TTLL5: variants seen among roughly 807,000 people sequenced by gnomAD.
TTLL5 encodes the protein tubulin tyrosine ligase like 5, also known as tubulin polyglutamylase TTLL5.
TTLL5 carries 132 observed loss-of-function variants against 168.4 expected under a neutral mutation model. The observed-to-expected ratio is 0.78, with a 90% CI of 0.68 to 0.91. TTLL5 has a LOEUF of 0.91. Among genes scored for constraint, TTLL5 ranks in the 40% least tolerant of loss-of-function variants. The probability of loss-of-function intolerance (pLI) is 0.00; values close to 1 mark genes in which losing one functional copy is unlikely to be tolerated. For synonymous variants in TTLL5, 546 were observed against 558.6 expected (o/e 0.98, Z 0.32); for missense variants, 1,545 against 1,581.5 (o/e 0.98, Z 0.39).
intron 30 of TTLL5, among the ~76,000 whole-genome samples, chr14:75,890,712 T>TTTTTTG (rs961060116): frequency 6.6e-5 from 10 of 152,104 alleles, no homozygotes; most frequent in African/African-American, 9.7e-5. Flanking sequence ...TTCTGAAATC[T>TTTTTTG]TTTTTGTTTT....
chr14:75,796,441 A>G (rs546275617), intron 27 of TTLL5, among the ~76,000 whole-genome samples: 18 of 151,824 alleles, frequency 1.2e-4, no homozygotes, highest in Admixed American at 3.3e-4. Context: ...AATTCTATCT[A>G]TTTATCTTTG....
rs144392441 is a variant in TTLL5 at position 75,887,968 on chromosome 14, G to C, written c.3740+5066G>C. On this transcript the variant is annotated intron_variant, in intron 30 of 31. Transcript: ENST00000298832. ...ACTGGATTGAAGAACAACATGGAGG[G>C]CTTTTGTATAGTGTCTTCTGGGAGA... Among the ~76,000 whole-genome samples the C allele has an allele frequency of 3.3e-5, 5 of 152,288 alleles. No individual in the cohort carries two copies. The East Asian group carries it at 9.6e-4, about 29-fold the overall frequency.
intron 29 of TTLL5, among the ~76,000 whole-genome samples, chr14:75,875,017 T>G (rs1284890747): frequency 7.2e-6 from 1 of 139,570 alleles, no homozygotes; most frequent in Non-Finnish European, 1.5e-5. Flanking sequence ...CACTGAAAGC[T>G]CCGCCTCCCG....
intron 31 of TTLL5, among the ~76,000 whole-genome samples, chr14:75,904,642 G>A (rs2033070399): frequency 6.7e-6 from 1 of 150,158 alleles, no homozygotes; most frequent in African/African-American, 2.5e-5. Flanking sequence ...CACAGAGCAA[G>A]AAGAAGAAGT....
At chr14:75,875,617 G>T (rs188799107) in intron 29 of TTLL5, among the ~76,000 whole-genome samples, 1 of 152,174 alleles carries the variant, frequency 6.6e-6, no homozygotes, top group East Asian at 1.9e-4. Context: ...GTATCTCAGT[G>T]TGTCAATTTA....
intron 7 of TTLL5, among the ~76,000 whole-genome samples, chr14:75,704,180 A>C (rs1886478865): frequency 1.3e-5 from 2 of 152,206 alleles, no homozygotes; most frequent in African/African-American, 4.8e-5. Flanking sequence ...CTTAACCACT[A>C]TATCATTCTC....
At chr14:75,786,942 G>T (rs1892400681) in intron 26 of TTLL5, among the ~76,000 whole-genome samples, 1 of 152,118 alleles carries the variant, frequency 6.6e-6, no homozygotes, top group African/African-American at 2.4e-5. Flanking sequence ...AGACCAGCCT[G>T]GCCAACATGG....
intron 31 of TTLL5, among the ~76,000 whole-genome samples, chr14:75,953,779 G>T (rs2035030769): frequency 6.6e-6 from 1 of 152,112 alleles, no homozygotes. Flanking sequence ...CTTTAAAAAT[G>T]CTGATAATAC....
chr14:75,680,769 T>C (rs1566811861), intron 3 of TTLL5, among the ~76,000 whole-genome samples: 1 of 151,900 alleles, frequency 6.6e-6, no homozygotes, highest in Non-Finnish European at 1.5e-5. Flanking sequence ...GGATTACAGG[T>C]GCGTACCACC....
At chr14:75,950,581 G>A (rs1002792064) in intron 31 of TTLL5, among the ~76,000 whole-genome samples, 2 of 152,194 alleles carry the variant, frequency 1.3e-5, no homozygotes, top group Non-Finnish European at 2.9e-5. Context: ...CAAATGGTAC[G>A]ATGCCGATCA....
At chr14:75,849,465 G>T (rs1896733758) in intron 28 of TTLL5, among the ~76,000 whole-genome samples, 3 of 152,306 alleles carry the variant, frequency 2.0e-5, no homozygotes, top group Admixed American at 2.0e-4. Flanking sequence ...AAAGAAGGAG[G>T]TCATATGCTG....
chr14:75,673,670 A>G (rs986961551), intron 3 of TTLL5, among the ~76,000 whole-genome samples: 3 of 152,234 alleles, frequency 2.0e-5, no homozygotes, highest in Admixed American at 6.5e-5. Context: ...TAGGCGCTCA[A>G]AACTTGTGCT....
chr14:75,942,221 C>T lies in TTLL5; in HGVS notation c.3824-12203C>T, dbSNP rs187045552. On this transcript the variant is annotated intron_variant, in intron 31 of 31. Transcript: ENST00000298832. The stretch of plus-strand genomic sequence containing the variant: ...AAATGTGTATCCCTTAACCTTCAGA[C>T]AGCTGATGAGTGGTAGAAGCACTGG... Among the ~76,000 whole-genome samples the T allele has an allele frequency of 1.3e-4, 19 of 151,886 alleles. No individual in the cohort carries two copies. In the East Asian group the frequency reaches 2.9e-3, roughly 23 times the overall value.
At chr14:75,944,911 G>A (rs1350509263) in intron 31 of TTLL5, among the ~76,000 whole-genome samples, 1 of 152,058 alleles carries the variant, frequency 6.6e-6, no homozygotes, top group Non-Finnish European at 1.5e-5. Flanking sequence ...GGGACATTTG[G>A]CTGGTAAGGG....
chr14:75,866,286 T>C (rs1318228665), intron 29 of TTLL5, among the ~76,000 whole-genome samples: 1 of 152,230 alleles, frequency 6.6e-6, no homozygotes, highest in Non-Finnish European at 1.5e-5. Flanking sequence ...ATGGTTTACA[T>C]TCTCAGTATT....
intron 30 of TTLL5, chr14:75,886,863 A>G (rs1467348929): frequency 2.7e-6 from 4 of 1,508,316 alleles, no homozygotes; most frequent in East Asian, 2.4e-5. Flanking sequence ...ATATGGAGAA[A>G]GAAACCTGAG....
chr14:75,707,940 A>G (rs1886777167), intron 9 of TTLL5, among the ~76,000 whole-genome samples: 1 of 152,248 alleles, frequency 6.6e-6, no homozygotes, highest in South Asian at 2.1e-4. Flanking sequence ...CTGCATGTCC[A>G]CACATAAGGT....
rs1887725644 is a variant in TTLL5 at position 75,719,745 on chromosome 14, C to A, written c.853C>A (p.Pro285Thr). The A allele has an allele frequency of 6.2e-7, 1 of 1,610,140 alleles. No individual in the cohort carries two copies. The highest frequency in any genetic ancestry group is 1.7e-5 in the Admixed American group (1 of 59,242). ...KSGDYVSCDDPEVEDYGNKWS... is the reference protein window; with the variant it reads ...KSGDYVSCDDTEVEDYGNKWS... ...ATTAATTTGTTTTAGTTGTGACGAT[C>A]CAGAAGTGGAGGATTATGGAAACAA... Residue 285 changes from proline (P) to threonine (T), a missense_variant, in exon 11 of 32, where the codon CCA becomes ACA. Pro to Thr is a conservative substitution (Grantham distance 38). Transcript: ENST00000298832.
chr14:75,772,297 G>A (rs1200534507), intron 21 of TTLL5, among the ~76,000 whole-genome samples: 1 of 152,132 alleles, frequency 6.6e-6, no homozygotes, highest in African/African-American at 2.4e-5. Flanking sequence ...CAGGTTATAC[G>A]TGATGAAACC....
Sources: gnomAD v4.1 joint callset for allele counts (sites outside exome capture counted in the v4.1 genomes callset) on GRCh38, gnomAD v4.1.1 for gene constraint, MANE v1.5 for transcripts, NCBI Gene and HGNC (gene_info 2026-07-23, HGNC 2026-07-21) for gene names.